LRCH3: variants seen among roughly 807,000 people sequenced by gnomAD.
LRCH3 encodes leucine rich repeats and calponin homology domain containing 3, also known as DISP complex protein LRCH3.
LRCH3 carries 68 observed loss-of-function variants against 104.5 expected under a neutral mutation model. The observed-to-expected ratio is 0.65, with a 90% CI of 0.54 to 0.80. LRCH3 has a LOEUF of 0.80. Among genes scored for constraint, LRCH3 ranks in the 30% least tolerant of loss-of-function variants. The pLI is 0.00. For missense variants in LRCH3, 951 were observed against 953.9 expected (o/e 1.00, Z 0.04); for synonymous variants, 344 against 361.3 (o/e 0.95, Z 0.54).
At position 197,853,347 on chromosome 3, in the gene LRCH3, G is replaced by A. The variant is rs779462076; in HGVS notation, c.1590+727G>A. On this transcript the variant is annotated intron_variant, in intron 13 of 20. Transcript: ENST00000425562. The stretch of plus-strand genomic sequence containing the variant: ...TGGGACTACAGGTGTGCACCACCAC[G>A]CCTGGCTAATTTTTGTATTTTCAGT... Among the ~76,000 whole-genome samples the A allele has an allele frequency of 4.2e-4, 64 of 152,030 alleles. 1 individual carries two copies. The highest frequency in any genetic ancestry group is 6.2e-4 in the South Asian group (3 of 4,824).
intron 11 of LRCH3, 76 bp from the exon 12 acceptor site, chr3:197,847,796 C>A: frequency 6.9e-7 from 1 of 1,445,430 alleles, no homozygotes; most frequent in Non-Finnish European, 9.4e-7. Flanking sequence ...AACAGTAGTT[C>A]CCTAAATTGA....
At chr3:197,792,582 T>TATATATATATATATATATATATATAG (rs1730681915) in intron 1 of LRCH3, among the ~76,000 whole-genome samples, 1 of 50,038 alleles carries the variant, frequency 2.0e-5, no homozygotes, top group Non-Finnish European at 3.6e-5. Flanking sequence ...TAATTTTATA[T>TATATATATATATATATATATATATAG]ATATATATAT....
chr3:197,870,997 G>GCACA (rs1325955808), intron 18 of LRCH3, among the ~76,000 whole-genome samples: 1 of 151,786 alleles, frequency 6.6e-6, no homozygotes, highest in Non-Finnish European at 1.5e-5. Context: ...ATATGTGTGT[G>GCACA]CACACATATA....
intron 15 of LRCH3, among the ~76,000 whole-genome samples, chr3:197,862,098 T>C (rs1037975296): frequency 6.6e-6 from 1 of 152,106 alleles, no homozygotes; most frequent in Non-Finnish European, 1.5e-5. Context: ...CAGTTTCAAG[T>C]GATTCTCCTG....
At chr3:197,839,461 G>A in intron 10 of LRCH3, 64 bp downstream of exon 10, 2 of 1,010,310 alleles carry the variant, frequency 2.0e-6, no homozygotes, top group Non-Finnish European at 3.0e-6. Context: ...AAGTAATTTT[G>A]GTTTTATGCA....
In LRCH3 at chr3:197,854,525, CA is replaced by C; in HGVS notation, c.1644+81del. 7.8e-7 allele frequency: 1 copy of C among 1,278,138 alleles called. No homozygotes were observed. The highest frequency in any genetic ancestry group is 1.1e-6 in the Non-Finnish European group (1 of 875,086). 79.2% of individuals were successfully genotyped at this position (1,278,138 alleles called of 1,614,324 possible). A position where few individuals can be genotyped will look rare whatever the true frequency, so the allele number is the denominator to read the frequency against. On this transcript the variant is annotated intron_variant, in intron 14 of 20. Transcript: ENST00000425562. The surrounding 1 kb of genome is among the most constrained non-coding windows in gnomAD (Gnocchi z 4.5). ...TTTTATTCAGAAACTATCTAAATAC[CA>C]TAAAACATGATGAACATCATTACTA...
chr3:197,856,046 A>G lies in LRCH3; in HGVS notation c.1644+1601A>G, dbSNP rs776675439. On this transcript the variant is annotated intron_variant, in intron 14 of 20. Transcript: ENST00000425562. This position sits in a 1 kb window ranked among gnomAD's most constrained non-coding sequence, Gnocchi z 4.2. ...CTCTCTGGGCTTGTGCCATACCAGC[A>G]TTGTTTCCAGCTCTTCAAATATCAT... Among the ~76,000 whole-genome samples, 18 of 152,148 alleles carry G rather than the reference A, an allele frequency of 1.2e-4. No homozygotes were observed. The highest frequency in any genetic ancestry group is 2.5e-4 in the Non-Finnish European group (17 of 68,032).
At chr3:197,861,549 AAGAT>A (rs1225891256) in intron 15 of LRCH3, among the ~76,000 whole-genome samples, 2 of 152,256 alleles carry the variant, frequency 1.3e-5, no homozygotes, top group Admixed American at 6.5e-5. Flanking sequence ...CACTAGATTT[AAGAT>A]AGATAAGTCT....
At chr3:197,869,160 C>G (rs1560597813) in intron 17 of LRCH3, among the ~76,000 whole-genome samples, 1 of 152,192 alleles carries the variant, frequency 6.6e-6, no homozygotes, top group African/African-American at 2.4e-5. Flanking sequence ...AAGTAGAAAC[C>G]AATATACTGT....
intron 17 of LRCH3, among the ~76,000 whole-genome samples, chr3:197,867,593 C>G (rs1479665465): frequency 1.3e-5 from 2 of 151,998 alleles, no homozygotes; most frequent in African/African-American, 4.8e-5. Flanking sequence ...GTGGCTCACA[C>G]TTGTAATCCC....
At chr3:197,820,646 A>C (rs1226644478) in intron 4 of LRCH3, among the ~76,000 whole-genome samples, 1 of 152,158 alleles carries the variant, frequency 6.6e-6, no homozygotes, top group Admixed American at 6.5e-5. Flanking sequence ...CTGTCTCTAC[A>C]GAAAATTAAC....
At chr3:197,850,090 T>G (rs935995156) in intron 12 of LRCH3, among the ~76,000 whole-genome samples, 1 of 152,064 alleles carries the variant, frequency 6.6e-6, no homozygotes, top group Non-Finnish European at 1.5e-5. Flanking sequence ...GGGGGTTCGT[T>G]TTAGGCTGAG....
intron 19 of LRCH3, among the ~76,000 whole-genome samples, chr3:197,873,799 G>C (rs1164402985): frequency 6.6e-6 from 1 of 152,076 alleles, no homozygotes; most frequent in African/African-American, 2.4e-5. Context: ...CAGGTGGGCA[G>C]ATCACGAGGT....
intron 20 of LRCH3, among the ~76,000 whole-genome samples, chr3:197,879,488 T>C (rs1028013231): frequency 9.3e-5 from 14 of 150,282 alleles, no homozygotes; most frequent in Non-Finnish European, 1.9e-4. Context: ...CTACTAAAAA[T>C]ACAAAAAATT....
chr3:197,839,490 A>T (rs1035528883), intron 10 of LRCH3, 93 bp downstream of exon 10: 2 of 680,670 alleles, frequency 2.9e-6, no homozygotes, highest in Admixed American at 6.5e-5. Context: ...TGTAATAAAG[A>T]TGTTTACATG....
Position 197,847,878 on chromosome 3 carries a change from C to A in LRCH3, c.1387C>A (p.His463Asn). 1.2e-6 allele frequency: 2 copies of A among 1,613,980 alleles called. No individual in the cohort carries two copies. The highest frequency in any genetic ancestry group is 1.7e-6 in the Non-Finnish European group (2 of 1,179,938). ...AATAACGCTTTGGTTCCAGCTGTCA[C>A]ACACAGACCTGGAACTTCATCAGAG... ...SLSASHNQLS[H>N]TDLELHQRRE... Residue 463 changes from histidine to asparagine, a missense_variant, in exon 12 of 21, where the codon CAC becomes AAC. Transcript: ENST00000425562.
intron 5 of LRCH3, among the ~76,000 whole-genome samples, chr3:197,829,063 A>G (rs1268209541): frequency 1.3e-5 from 2 of 152,162 alleles, no homozygotes; most frequent in African/African-American, 2.4e-5. Context: ...CTTCCTAACA[A>G]TAGAAGGGTC....
At chr3:197,857,443 T>C (rs967357636) in intron 14 of LRCH3, among the ~76,000 whole-genome samples, 6 of 147,248 alleles carry the variant, frequency 4.1e-5, no homozygotes, top group Admixed American at 2.0e-4. Flanking sequence ...CCTGTTAATA[T>C]CAGTTTACAC....
chr3:197,792,577 T>TATATATATATATATATA (rs1730660774), intron 1 of LRCH3, among the ~76,000 whole-genome samples: 2 of 20,346 alleles, frequency 9.8e-5, no homozygotes, highest in African/African-American at 2.3e-4. Flanking sequence ...CCAGCTAATT[T>TATATATATATATATATA]TATATATATA....
Sources: allele counts gnomAD v4.1 joint callset (sites outside exome capture counted in the v4.1 genomes callset), GRCh38; gene constraint gnomAD v4.1.1; non-coding constraint Gnocchi (gnomAD v3.1); transcripts MANE v1.5; gene names NCBI Gene and HGNC (gene_info 2026-07-23, HGNC 2026-07-21).